The following WDPCP variants were observed in gnomAD, a reference collection of about 807,000 sequenced individuals.
WDPCP encodes the protein WD repeat-containing and planar cell polarity effector protein fritz homolog.
In WDPCP, 71 loss-of-function variants were observed where a neutral mutation model predicts 93.1. The observed-to-expected ratio is 0.76, with a 90% CI of 0.63 to 0.93. The LOEUF (loss-of-function observed/expected upper bound fraction) is 0.93, where lower values mean the gene tolerates loss of function less well. Among genes scored for constraint, WDPCP ranks in the 40% least tolerant of loss-of-function variants. The pLI is 0.00. For synonymous variants in WDPCP, 315 were observed against 315.0 expected, an observed-to-expected ratio of 1.00 and a Z score of 0.00; for missense variants, 844 against 887.4, an observed-to-expected ratio of 0.95 and a Z score of 0.62.
At chr2:63,528,701 C>CT (rs1558760054) in intron 1 of WDPCP, among the ~76,000 whole-genome samples, 1 of 152,140 alleles carries the variant, frequency 6.6e-6, no homozygotes, top group African/African-American at 2.4e-5. Flanking sequence ...AATGTGGGCT[C>CT]TTTTTTGGTT....
intron 6 of WDPCP, among the ~76,000 whole-genome samples, chr2:63,451,581 CT>C (rs1698252316): frequency 6.6e-6 from 1 of 152,172 alleles, no homozygotes; most frequent in Admixed American, 6.5e-5. Context: ...GGAATCCTCC[CT>C]AACTCATTTT....
intron 2 of WDPCP, among the ~76,000 whole-genome samples, chr2:63,685,464 A>G (rs965339187): frequency 7.6e-6 from 1 of 130,844 alleles, no homozygotes; most frequent in Non-Finnish European, 1.6e-5. Context: ...GTAGTAAAAG[A>G]GTCTCCCAGC....
intron 2 of WDPCP, among the ~76,000 whole-genome samples, chr2:63,779,364 G>A (rs1670354303): frequency 6.6e-6 from 1 of 152,180 alleles, no homozygotes; most frequent in African/African-American, 2.4e-5. Flanking sequence ...TTTCAGCAGA[G>A]ACTCAGGGAA....
intron 6 of WDPCP, among the ~76,000 whole-genome samples, chr2:63,459,432 G>T (rs1480092695): frequency 6.6e-6 from 1 of 151,762 alleles, no homozygotes; most frequent in South Asian, 2.1e-4. Flanking sequence ...TTTCTCAAAA[G>T]ACATACATAT....
At chr2:63,400,453 T>C (rs907282973) in intron 10 of WDPCP, among the ~76,000 whole-genome samples, 2 of 152,122 alleles carry the variant, frequency 1.3e-5, no homozygotes, top group Non-Finnish European at 2.9e-5. Flanking sequence ...ACCTACAGAA[T>C]GGGAGAAAAT....
intron 6 of WDPCP, among the ~76,000 whole-genome samples, chr2:63,472,440 C>T (rs1363378221): frequency 6.6e-6 from 1 of 151,740 alleles, no homozygotes; most frequent in African/African-American, 2.4e-5. Context: ...CTCCTATCAC[C>T]TTTGGTTCAT....
intron 2 of WDPCP, among the ~76,000 whole-genome samples, chr2:63,696,649 C>T (rs769757126): frequency 6.6e-6 from 1 of 152,160 alleles, no homozygotes; most frequent in Non-Finnish European, 1.5e-5. Context: ...GCAGAGCCCA[C>T]GTGGCTGAGA....
At chr2:63,218,897 T>G (rs1677578845) in intron 14 of WDPCP, among the ~76,000 whole-genome samples, 1 of 152,198 alleles carries the variant, frequency 6.6e-6, no homozygotes, top group Admixed American at 6.5e-5. Context: ...TTTTTGTTAT[T>G]AATTGCAATT....
chr2:63,133,913 G>A (rs2103616179), intron 17 of WDPCP, among the ~76,000 whole-genome samples: 1 of 152,292 alleles, frequency 6.6e-6, no homozygotes, highest in South Asian at 2.1e-4. Context: ...GCTTGTTCTT[G>A]ATTGTTTACT....
intron 1 of WDPCP, among the ~76,000 whole-genome samples, chr2:63,820,975 A>G (rs1232930175): frequency 6.6e-6 from 1 of 152,180 alleles, no homozygotes; most frequent in Admixed American, 6.6e-5. Context: ...TTATGAGACT[A>G]TAGCTTTTGA....
intron 12 of WDPCP, among the ~76,000 whole-genome samples, chr2:63,314,296 T>C (rs139916191): frequency 4.7e-4 from 71 of 152,060 alleles, no homozygotes; most frequent in African/African-American, 1.6e-3. Flanking sequence ...CCCCGCCAAG[T>C]AGCTGGGACT....
At chr2:63,799,004 A>C (rs891959566) in intron 2 of WDPCP, among the ~76,000 whole-genome samples, 5 of 152,218 alleles carry the variant, frequency 3.3e-5, no homozygotes, top group Non-Finnish European at 7.4e-5. Context: ...TCCTACATCT[A>C]AGATTTATTC....
intron 3 of WDPCP, among the ~76,000 whole-genome samples, chr2:63,612,455 C>T (rs749659256): frequency 2.4e-4 from 37 of 152,256 alleles, no homozygotes; most frequent in Non-Finnish European, 5.0e-4. Context: ...GCCTTCCCAG[C>T]GCCTCCCTTG....
chr2:63,190,166 G>A (rs1028818400), intron 14 of WDPCP, among the ~76,000 whole-genome samples: 18 of 152,118 alleles, frequency 1.2e-4, no homozygotes, highest in Non-Finnish European at 1.8e-4. Flanking sequence ...TGTGGCTCAC[G>A]CCCATAATCC....
intron 1 of WDPCP, among the ~76,000 whole-genome samples, chr2:63,820,479 C>T (rs945806540): frequency 1.2e-4 from 18 of 152,100 alleles, no homozygotes; most frequent in African/African-American, 4.1e-4. Context: ...CACAGAGACT[C>T]GTTTTTGAGA....
intron 15 of WDPCP, among the ~76,000 whole-genome samples, chr2:63,171,063 A>AAATT (rs1282997274): frequency 1.3e-5 from 2 of 152,176 alleles, no homozygotes; most frequent in African/African-American, 4.8e-5. Flanking sequence ...TCCTACATAA[A>AAATT]AATTAACTCA....
intron 1 of WDPCP, among the ~76,000 whole-genome samples, chr2:63,494,296 C>A (rs1263202256): frequency 6.6e-6 from 1 of 151,634 alleles, no homozygotes; most frequent in Non-Finnish European, 1.5e-5. Context: ...ATGACGACGA[C>A]GACGACAATG....
chr2:63,821,361 A>G (rs1201932098), intron 1 of WDPCP, among the ~76,000 whole-genome samples: 1 of 152,202 alleles, frequency 6.6e-6, no homozygotes, highest in Non-Finnish European at 1.5e-5. Flanking sequence ...AAATAACAGA[A>G]TAAGTGCAAA....
chr2:63,260,872 G>T (rs1255956930), intron 13 of WDPCP, among the ~76,000 whole-genome samples: 1 of 152,188 alleles, frequency 6.6e-6, no homozygotes, highest in Non-Finnish European at 1.5e-5. Context: ...TAGAGCCAAG[G>T]ATCAGTAAGC....
Sources: gnomAD v4.1 joint callset for allele counts (sites outside exome capture counted in the v4.1 genomes callset) on GRCh38, gnomAD v4.1.1 for gene constraint, MANE v1.5 for transcripts, NCBI Gene and HGNC (gene_info 2026-07-23, HGNC 2026-07-21) for gene names.